The following HIVEP1 variants were observed in gnomAD, a reference collection of about 807,000 sequenced individuals.
HIVEP1 encodes the protein zinc finger protein 40.
A neutral mutation model predicts 180.0 loss-of-function variants in HIVEP1; 36 were observed. The ratio of observed to expected loss-of-function variants is 0.20; its 90% confidence interval spans 0.15 to 0.26. The LOEUF (loss-of-function observed/expected upper bound fraction) is 0.26, where lower values mean the gene tolerates loss of function less well. Ranked by LOEUF, HIVEP1 falls within the 10% of genes least tolerant of loss-of-function variation. The pLI is 1.00. For synonymous variants in HIVEP1, 1,239 were observed against 1,239.0 expected, an observed-to-expected ratio of 1.00 and a Z score of 0.00; for missense variants, 3,143 against 3,268.7, an observed-to-expected ratio of 0.96 and a Z score of 0.94.
At chr6:12,105,995 T>TATATATATACACATATATAC (rs1774402083) in intron 3 of HIVEP1, among the ~76,000 whole-genome samples, 2 of 151,404 alleles carry the variant, frequency 1.3e-5, no homozygotes, top group African/African-American at 4.8e-5. Flanking sequence ...CATATATACA[T>TATATATATACACATATATAC]ATATATATAC....
chr6:12,096,114 CT>C (rs1210663621), intron 3 of HIVEP1, among the ~76,000 whole-genome samples: 15 of 151,966 alleles, frequency 9.9e-5, no homozygotes, highest in African/African-American at 3.6e-4. Context: ...CCAGTAATTT[CT>C]TTTCAGCAGT....
chr6:12,058,173 A>G (rs771489608), intron 2 of HIVEP1, among the ~76,000 whole-genome samples: 65 of 152,116 alleles, frequency 4.3e-4, no homozygotes, highest in Admixed American at 9.8e-4. Context: ...GCTGTCATGT[A>G]AGGGGGCTTT....
chr6:12,050,617 T>C (rs756990324), intron 2 of HIVEP1, among the ~76,000 whole-genome samples: 78 of 151,690 alleles, frequency 5.1e-4, no homozygotes, highest in Non-Finnish European at 1.1e-3. Flanking sequence ...TTAAACACCA[T>C]GGGTCCAGCT....
At chr6:12,040,396 C>T (rs1769599246) in intron 2 of HIVEP1, among the ~76,000 whole-genome samples, 1 of 152,142 alleles carries the variant, frequency 6.6e-6, no homozygotes. Context: ...TCTTGCTTTC[C>T]TTCTGTCTTT....
chr6:12,205,470 CAA>C, the HIVEP1 span, among the ~76,000 whole-genome samples: 3 of 138,110 alleles, frequency 2.2e-5, no homozygotes, highest in Admixed American at 7.3e-5. Flanking sequence ...GACTCCATCT[CAA>C]AAAAAAAAAA....
At position 12,163,929 on chromosome 6, in the gene HIVEP1, C is replaced by T; in HGVS notation, c.7625C>T (p.Pro2542Leu). Residue 2542 changes from proline to leucine, a missense_variant, in exon 9 of 9, where the codon CCA becomes CTA. Physicochemically the swap from Pro to Leu is moderately conservative, Grantham distance 98. Around this residue, in one of 12 missense-constraint regions of HIVEP1, gnomAD observed 595 missense variants for 602.2 expected, o/e 0.99. Transcript: ENST00000379388. ...QSSPAPQAHI[P>L]GLQILNIALP... ...AGCCCCGCCCCTCAGGCACACATTC[C>T]AGGTCTCCAGATCTTGAACATAGCA... is the stretch of plus-strand genomic sequence containing the variant. 6.2e-7 allele frequency: 1 copy of T among 1,614,162 alleles called. No individual in the cohort carries two copies. Among genetic ancestry groups the T allele is most frequent in the Non-Finnish European group, 8.5e-7 (1 of 1,180,018 alleles).
chr6:12,008,518 G>A (rs1767117238), upstream of HIVEP1: 1 of 152,264 alleles, frequency 6.6e-6, no homozygotes. Context: ...GTAGCAACAG[G>A]AAGCCCGTGC....
intron 4 of HIVEP1, 38 bp from the exon 5 acceptor site, chr6:12,129,721 A>T (rs1220261504): frequency 1.3e-6 from 2 of 1,517,198 alleles, no homozygotes; most frequent in South Asian, 2.3e-5. Context: ...TTGTGTTTTC[A>T]GTTTTATTAA....
In HIVEP1 at chr6:12,133,243, A is replaced by C. The variant is rs76061118; in HGVS notation, c.6385+2301A>C. ...AAATAATTTTAATTGATTTGTTTTC[A>C]TGATTCTACGTTAAAGGTCAGTCAG... On this transcript the variant is annotated intron_variant, in intron 6 of 8. Coordinates refer to ENST00000379388, the MANE Select transcript of HIVEP1 (RefSeq NM_002114.4). 3.8e-3 allele frequency among the ~76,000 whole-genome samples: 574 copies of C among 152,268 alleles called. 6 individuals are homozygous for C. Among genetic ancestry groups the C allele is most frequent in the African/African-American group, 0.013 (550 of 41,548 alleles).
chr6:12,147,210 A>ACT (rs761069090), intron 7 of HIVEP1, among the ~76,000 whole-genome samples: 92 of 151,554 alleles, frequency 6.1e-4, no homozygotes, highest in Non-Finnish European at 1.0e-3. Context: ...TCAGGTTTAA[A>ACT]CTCTATTCAC....
At chr6:12,095,933 A>T (rs927293635) in intron 3 of HIVEP1, among the ~76,000 whole-genome samples, 5 of 152,010 alleles carry the variant, frequency 3.3e-5, no homozygotes, top group Admixed American at 1.3e-4. Context: ...GAATGATGAG[A>T]TTATGATAGC....
At position 12,119,870 on chromosome 6, in the gene HIVEP1, G is replaced by C. The variant is rs746179174; in HGVS notation, c.95-20G>C. 5.5e-6 allele frequency: 8 copies of C among 1,466,652 alleles called. No homozygotes were observed. Among genetic ancestry groups the C allele is most frequent in the Non-Finnish European group, 2.8e-6 (3 of 1,086,524 alleles). 90.9% of individuals were successfully genotyped at this position (1,466,652 alleles called of 1,614,324 possible). A position where few individuals can be genotyped will look rare whatever the true frequency, so the allele number is the denominator to read the frequency against. On this transcript the variant is annotated intron_variant, in intron 3 of 8. Coordinates refer to ENST00000379388, the MANE Select transcript of HIVEP1 (RefSeq NM_002114.4). ...TGTACAATGTTACCAATTGTTTGTT[G>C]TTGTTGTTGTTTTTTCCAGAAATCT...
rs777582251 is a variant in HIVEP1 at position 12,123,396 on chromosome 6, G to A, written c.3601G>A (p.Ala1201Thr). ...TCCTCACCAGCTTGCACTATCAGAC[G>A]CTCTCAGAGGAGAACTTCAGGAAAG... ...SHPHQLALSD[A>T]LRGELQESSR... Residue 1201 changes from alanine (A) to threonine (T), a missense_variant, in exon 4 of 9, where the codon GCT becomes ACT. By Grantham distance (58) the Ala-to-Thr change is moderately conservative. This residue lies in a region of HIVEP1 where 1,357 missense variants were observed against 1,260.5 expected (regional missense o/e 1.08). Coordinates refer to ENST00000379388, the MANE Select transcript of HIVEP1 (RefSeq NM_002114.4). 1.1e-5 allele frequency: 18 copies of A among 1,614,030 alleles called. No individual in the cohort carries two copies. The highest frequency in any genetic ancestry group is 6.7e-5 in the East Asian group (3 of 44,884).
At chr6:12,168,068 T>TATACATATAC (rs371056220), downstream of HIVEP1, among the ~76,000 whole-genome samples, 19 of 15,652 alleles carry the variant, frequency 1.2e-3, 3 homozygotes, top group African/African-American at 6.9e-3. Flanking sequence ...TATATACATA[T>TATACATATAC]ATATGTGTAT....
intron 3 of HIVEP1, among the ~76,000 whole-genome samples, chr6:12,115,595 A>G (rs1775166619): frequency 6.6e-6 from 1 of 151,730 alleles, no homozygotes; most frequent in African/African-American, 2.4e-5. Flanking sequence ...TTCAGTCATT[A>G]CCGGTAGCAC....
At chr6:12,184,419 C>T in the HIVEP1 span, among the ~76,000 whole-genome samples, 1 of 152,192 alleles carries the variant, frequency 6.6e-6, no homozygotes, top group Non-Finnish European at 1.5e-5. Flanking sequence ...TAAACACAGA[C>T]TCAAACTTCT....
the HIVEP1 span, among the ~76,000 whole-genome samples, chr6:12,191,653 A>C: frequency 6.6e-6 from 1 of 152,206 alleles, no homozygotes; most frequent in Non-Finnish European, 1.5e-5. Context: ...AAAGAACATA[A>C]TAAAATATGT....
chr6:12,118,703 C>G (rs1775372171), intron 3 of HIVEP1, among the ~76,000 whole-genome samples: 1 of 152,016 alleles, frequency 6.6e-6, no homozygotes, highest in Non-Finnish European at 1.5e-5. Context: ...AAACCAAGGC[C>G]CATTACAACC....
intron 2 of HIVEP1, among the ~76,000 whole-genome samples, chr6:12,061,124 G>A (rs1357030573): frequency 6.6e-6 from 1 of 152,158 alleles, no homozygotes; most frequent in Non-Finnish European, 1.5e-5. Context: ...ACGTGACTGT[G>A]CACATACCCC....
Sources: allele counts gnomAD v4.1 joint callset (sites outside exome capture counted in the v4.1 genomes callset), GRCh38; gene constraint gnomAD v4.1.1; regional missense constraint gnomAD v4.1.1; transcripts MANE v1.5; gene names NCBI Gene and HGNC (gene_info 2026-07-23, HGNC 2026-07-21).